FRMD1: variants seen among roughly 807,000 people sequenced by gnomAD.
The protein encoded by FRMD1 is FERM domain-containing protein 1.
In FRMD1, 51 loss-of-function variants were observed where a neutral mutation model predicts 54.9. The observed-to-expected ratio is 0.93, with a 90% CI of 0.74 to 1.17. FRMD1 has a LOEUF of 1.17. Among genes scored for constraint, FRMD1 ranks in the 50% most tolerant of loss-of-function variants. The pLI is 0.00. For missense variants in FRMD1, 729 were observed against 743.0 expected (o/e 0.98, Z 0.22); for synonymous variants, 324 against 306.4 (o/e 1.06, Z -0.60).
At chr6:168,066,524 G>C (rs958982855) in intron 4 of FRMD1, 9 of 1,278,794 alleles carry the variant, frequency 7.0e-6, no homozygotes, top group African/African-American at 4.7e-5. Context: ...AAAACAAAAA[G>C]AAAAAGAAAA....
chr6:168,091,240 C>G (rs1180100412), intron 1 of FRMD1, among the ~76,000 whole-genome samples: 1 of 152,328 alleles, frequency 6.6e-6, no homozygotes, highest in East Asian at 1.9e-4. Context: ...GGCTGGAGAC[C>G]CTGCAGTGTG....
At chr6:168,091,902 A>T (rs12527674) in intron 1 of FRMD1, among the ~76,000 whole-genome samples, 1 of 151,982 alleles carries the variant, frequency 6.6e-6, no homozygotes, top group Admixed American at 6.5e-5. Context: ...ATCAGGTGTC[A>T]CTAGGAAGAA....
upstream of FRMD1, among the ~76,000 whole-genome samples, chr6:168,082,569 C>T (rs1800852948): frequency 6.6e-6 from 1 of 152,184 alleles, no homozygotes; most frequent in Admixed American, 6.5e-5. Context: ...GAATGTTGGC[C>T]AGATGCAGCA....
intron 2 of FRMD1, among the ~76,000 whole-genome samples, chr6:168,071,188 ACT>A (rs1236251528): frequency 1.3e-5 from 2 of 151,582 alleles, no homozygotes; most frequent in South Asian, 2.1e-4. Context: ...GGTGGAGCCC[ACT>A]CTCTCTCTAT....
intron 1 of FRMD1, among the ~76,000 whole-genome samples, chr6:168,076,950 C>T (rs1049047488): frequency 6.6e-6 from 1 of 152,022 alleles, no homozygotes; most frequent in Non-Finnish European, 1.5e-5. Flanking sequence ...GTATACACCC[C>T]AATAGAGGGT....
In FRMD1 at chr6:168,060,902, T is replaced by C. The variant is rs372783781; in HGVS notation, c.1201A>G (p.Ile401Val). 2.7e-5 allele frequency: 44 copies of C among 1,613,736 alleles called. No individual in the cohort carries two copies. The highest frequency in any genetic ancestry group is 3.3e-5 in the Non-Finnish European group (39 of 1,180,038). The change falls in exon 9 of 11, where the codon ATC becomes GTC. Residue 401 changes from isoleucine to valine, a missense_variant. Ile to Val is a conservative substitution (Grantham distance 29). Coordinates refer to ENST00000283309, the MANE Select transcript of FRMD1 (RefSeq NM_024919.6). ...TCCCTGAGCCAGGAGTTGGCCTTGA[T>C]GCCTGACGTGTAGGAACTGCCGTGG... is the stretch of plus-strand genomic sequence containing the variant. ...DSHGSSYTSG[I>V]KANSWLRESR...
intron 1 of FRMD1, among the ~76,000 whole-genome samples, chr6:168,087,442 G>A (rs1257451258): frequency 1.3e-5 from 2 of 152,190 alleles, no homozygotes; most frequent in Non-Finnish European, 1.5e-5. Flanking sequence ...GTACATGTTG[G>A]TCAGCAGAGT....
chr6:168,088,250 C>G (rs966771457), intron 1 of FRMD1, among the ~76,000 whole-genome samples: 9 of 152,220 alleles, frequency 5.9e-5, no homozygotes, highest in Non-Finnish European at 8.8e-5. Flanking sequence ...ACTGCAGCCA[C>G]CACCCTCCCG....
At chr6:168,072,294 AC>A (rs376238559) in intron 2 of FRMD1, among the ~76,000 whole-genome samples, 128 of 152,024 alleles carry the variant, frequency 8.4e-4, no homozygotes, top group African/African-American at 3.0e-3. Context: ...CACCCTCAGA[AC>A]CCCCCAACAC....
At chr6:168,081,322 G>A (rs79408639), upstream of FRMD1, 63,842 of 1,493,686 alleles carry the variant, frequency 0.043, 1,529 homozygotes, top group South Asian at 0.051. Flanking sequence ...AGGCGTGACC[G>A]GGCCCCAACA....
upstream of FRMD1, among the ~76,000 whole-genome samples, chr6:168,083,107 A>G (rs1800863987): frequency 6.6e-6 from 1 of 152,162 alleles, no homozygotes; most frequent in Admixed American, 6.5e-5. Context: ...GCCCTGCGGA[A>G]GCCACGGGGC....
rs991967996 is a variant in FRMD1 at position 168,059,919 on chromosome 6, C to T, written c.1343-731G>A. Reference sequence around the variant, plus strand: ...CTCTGAATGGCTCTGTCTTCTCACTCCTACTCAACTGAGTATAAAAAGACA... The same window carrying T: ...CTCTGAATGGCTCTGTCTTCTCACTTCTACTCAACTGAGTATAAAAAGACA... On this transcript the variant is annotated intron_variant, in intron 9 of 10. Coordinates refer to ENST00000283309, the MANE Select transcript of FRMD1 (RefSeq NM_024919.6). The surrounding 1 kb of genome is among the most constrained non-coding windows in gnomAD (Gnocchi z 4.4). 1.3e-5 allele frequency among the ~76,000 whole-genome samples: 2 copies of T among 152,006 alleles called. No individual in the cohort carries two copies. Among genetic ancestry groups the T allele is most frequent in the Admixed American group, 6.5e-5 (1 of 15,270 alleles).
rs373895279 is a variant in FRMD1 at position 168,063,643 on chromosome 6, G to A, written c.762C>T (p.Cys254=). 5 of 1,613,448 alleles carry A rather than the reference G, an allele frequency of 3.1e-6. No homozygotes were observed. Among genetic ancestry groups the A allele is most frequent in the African/African-American group, 1.3e-5 (1 of 74,936 alleles). The part of the protein sequence containing the change: ...EAMLCFIQEA[C]RLEDVPVHFF... ...AGTGCACGGGCACGTCCTCCAGCCG[G>A]CAGGCCTCCTGGATGAAGCACAGCA... Residue 254 remains cysteine (C), a synonymous_variant, in exon 6 of 11, where the codon TGC becomes TGT. Coordinates refer to ENST00000283309, the MANE Select transcript of FRMD1 (RefSeq NM_024919.6).
In FRMD1 at chr6:168,057,447, C is replaced by G; in HGVS notation, c.1408-108G>C. 14 of 1,501,546 alleles carry G rather than the reference C, an allele frequency of 9.3e-6. No homozygotes were observed. The South Asian group carries it at 1.5e-4, about 17-fold the overall frequency. 93.0% of individuals were successfully genotyped at this position (1,501,546 alleles called of 1,614,324 possible). A position where few individuals can be genotyped will look rare whatever the true frequency, so the allele number is the denominator to read the frequency against. On this transcript the variant is annotated intron_variant, in intron 10 of 10. Coordinates refer to ENST00000283309, the MANE Select transcript of FRMD1 (RefSeq NM_024919.6). ...ACAGAGCCACACTCCCTGCCAATGC[C>G]CACCCTGCGCCGCAGTGCATGGCCG...
At chr6:168,067,538 A>C (rs1800105911) in intron 2 of FRMD1, 92 bp from the exon 3 acceptor site, 2 of 778,202 alleles carry the variant, frequency 2.6e-6, no homozygotes, top group Non-Finnish European at 4.3e-6. Context: ...TGGAGAGAAG[A>C]GATGCACAGC....
rs1172844492 is a variant in FRMD1 at position 168,066,809 on chromosome 6, G to C, written c.407C>G (p.Pro136Arg). The change falls in exon 4 of 11, where the codon CCC becomes CGC. Residue 136 changes from proline to arginine, a missense_variant. Transcript: ENST00000283309. ...RNEGNEKPRAPFVAFLRVQHY... is the reference protein window; with the variant it reads ...RNEGNEKPRARFVAFLRVQHY... ...CTGCACTCGGAGGAAGGCCACGAAGGGGGCTCTGGGTTTCTCATTTCCCTA... is the reference window on the plus strand; with the variant it reads ...CTGCACTCGGAGGAAGGCCACGAAGCGGGCTCTGGGTTTCTCATTTCCCTA... 1.9e-6 allele frequency: 3 copies of C among 1,613,938 alleles called. No homozygotes were observed. Among genetic ancestry groups the C allele is most frequent in the Non-Finnish European group, 2.5e-6 (3 of 1,179,968 alleles).
At chr6:168,080,745 G>A (rs570101436), upstream of FRMD1, among the ~76,000 whole-genome samples, 2 of 152,110 alleles carry the variant, frequency 1.3e-5, no homozygotes, top group Non-Finnish European at 2.9e-5. Flanking sequence ...CCGGGGACAC[G>A]GTGGGGAGTT....
At chr6:168,078,330 C>T (rs1165081923) in intron 1 of FRMD1, among the ~76,000 whole-genome samples, 4 of 152,116 alleles carry the variant, frequency 2.6e-5, no homozygotes, top group South Asian at 2.1e-4. Context: ...CTTCCCTCAG[C>T]GCTCCCTCCC....
intron 6 of FRMD1, among the ~76,000 whole-genome samples, chr6:168,063,273 TCC>T (rs1799850104): frequency 1.3e-5 from 1 of 76,774 alleles, no homozygotes; most frequent in African/African-American, 5.0e-5. Context: ...CCTGGTCCCA[TCC>T]CACTCTTAGC....
Sources: allele counts gnomAD v4.1 joint callset (sites outside exome capture counted in the v4.1 genomes callset), GRCh38; gene constraint gnomAD v4.1.1; non-coding constraint Gnocchi (gnomAD v3.1); transcripts MANE v1.5; gene names NCBI Gene and HGNC (gene_info 2026-07-23, HGNC 2026-07-21).